The following CADM2 variants were observed in gnomAD, a reference collection of about 807,000 sequenced individuals.
The protein encoded by CADM2 is cell adhesion molecule 2.
In CADM2, 12 loss-of-function variants were observed where a neutral mutation model predicts 49.8. That is an observed-to-expected ratio of 0.24 (90% confidence interval 0.15 to 0.39). The LOEUF (loss-of-function observed/expected upper bound fraction) is 0.39. Ranked by LOEUF, CADM2 falls within the 10% of genes least tolerant of loss-of-function variation. The pLI, the probability that CADM2 is intolerant of heterozygous loss-of-function variation, is 1.00. For missense variants in CADM2, 378 were observed against 492.3 expected (o/e 0.77, Z 2.20); for synonymous variants, 214 against 175.4 (o/e 1.22, Z -1.74).
intron 1 of CADM2, among the ~76,000 whole-genome samples, chr3:85,541,464 A>T (rs770657100): frequency 4.7e-5 from 7 of 148,516 alleles, no homozygotes; most frequent in South Asian, 2.1e-4. Context: ...ATGAGAGTAG[A>T]TATCAGAAGA....
chr3:85,809,790 C>CTCTCTTTCTT lies in CADM2; in HGVS notation c.238+7597_238+7598insCTTTCTTTCT, dbSNP rs1553690315. Among the ~76,000 whole-genome samples the CTCTCTTTCTT allele has an allele frequency of 9.2e-3, 907 of 98,946 alleles. 99 individuals carry two copies. Among genetic ancestry groups the CTCTCTTTCTT allele is most frequent in the African/African-American group, 0.038 (831 of 21,718 alleles). The allele number at this position is 98,946 out of a possible 152,430, so 64.9% of individuals were successfully genotyped here. On this transcript the variant is annotated intron_variant, in intron 3 of 9. Coordinates refer to ENST00000383699, the MANE Select transcript of CADM2 (RefSeq NM_001167675.2). ...TCTCTCTCTCTCTCTCTCTCTCTCT[C>CTCTCTTTCTT]TCTTTCTTTCTTTCTTTCTTTCTGT...
intron 1 of CADM2, among the ~76,000 whole-genome samples, chr3:85,114,047 AC>A (rs1342261547): frequency 3.3e-5 from 5 of 151,880 alleles, no homozygotes; most frequent in African/African-American, 1.2e-4. Context: ...GTTATTTTTA[AC>A]CTCATAAACC....
At chr3:85,297,052 A>G (rs1411724470) in intron 1 of CADM2, among the ~76,000 whole-genome samples, 1 of 152,066 alleles carries the variant, frequency 6.6e-6, no homozygotes, top group Non-Finnish European at 1.5e-5. Context: ...TAGGGCAGAG[A>G]CACTATCTTA....
intron 1 of CADM2, among the ~76,000 whole-genome samples, chr3:85,469,028 G>A (rs1392290920): frequency 6.6e-6 from 1 of 152,152 alleles, no homozygotes; most frequent in Non-Finnish European, 1.5e-5. Flanking sequence ...CTGCCTTACA[G>A]CACACTTCAG....
At chr3:85,496,370 A>G (rs1159095001) in intron 1 of CADM2, among the ~76,000 whole-genome samples, 1 of 152,174 alleles carries the variant, frequency 6.6e-6, no homozygotes, top group African/African-American at 2.4e-5. Flanking sequence ...CAAAGGACAT[A>G]ATTTCATTCT....
At chr3:85,927,380 G>A (rs777683710) in intron 6 of CADM2, among the ~76,000 whole-genome samples, 2 of 152,080 alleles carry the variant, frequency 1.3e-5, no homozygotes, top group African/African-American at 4.8e-5. Context: ...GAGTAGCACC[G>A]TTTAAGACTA....
At chr3:85,876,220 T>C (rs1194694759) in intron 3 of CADM2, among the ~76,000 whole-genome samples, 1 of 152,186 alleles carries the variant, frequency 6.6e-6, no homozygotes. Context: ...ATACTTGAAG[T>C]GATTTCTATC....
chr3:85,202,024 G>T (rs1043120937), intron 1 of CADM2, among the ~76,000 whole-genome samples: 2 of 136,856 alleles, frequency 1.5e-5, no homozygotes, highest in African/African-American at 5.5e-5. Flanking sequence ...AGGTTGCAAT[G>T]AACCGAGATC....
chr3:85,925,154 A>G (rs189005421), intron 6 of CADM2, among the ~76,000 whole-genome samples: 2 of 71,034 alleles, frequency 2.8e-5, no homozygotes, highest in East Asian at 4.4e-4. Flanking sequence ...TGTATAATCT[A>G]TCCTGGCAAC....
intron 2 of CADM2, among the ~76,000 whole-genome samples, chr3:85,786,786 A>G (rs946348666): frequency 6.6e-6 from 1 of 152,032 alleles, no homozygotes; most frequent in African/African-American, 2.4e-5. Context: ...CAAGAGCTTT[A>G]TACGTCTCAC....
At chr3:85,474,095 C>T (rs1383577414) in intron 1 of CADM2, among the ~76,000 whole-genome samples, 1 of 151,690 alleles carries the variant, frequency 6.6e-6, no homozygotes, top group Non-Finnish European at 1.5e-5. Context: ...ATTATATTCT[C>T]AATATTTGTA....
intron 3 of CADM2, among the ~76,000 whole-genome samples, chr3:85,843,900 G>GC (rs887662666): frequency 1.1e-4 from 16 of 151,818 alleles, no homozygotes; most frequent in African/African-American, 3.9e-4. Context: ...GTGTGTGTGG[G>GC]GGGGGAGCGG....
At chr3:85,729,357 A>G (rs1412402118) in intron 2 of CADM2, among the ~76,000 whole-genome samples, 1 of 152,100 alleles carries the variant, frequency 6.6e-6, no homozygotes, top group Non-Finnish European at 1.5e-5. Flanking sequence ...ACTTCCTACA[A>G]AATAAAGAAT....
At chr3:85,016,344 A>G (rs2107274670) in intron 1 of CADM2, among the ~76,000 whole-genome samples, 1 of 152,366 alleles carries the variant, frequency 6.6e-6, no homozygotes, top group Non-Finnish European at 1.5e-5. Flanking sequence ...AAGCCTCAGC[A>G]ATTGGGATGA....
At chr3:85,853,010 A>T (rs1160263268) in intron 3 of CADM2, among the ~76,000 whole-genome samples, 2 of 152,114 alleles carry the variant, frequency 1.3e-5, no homozygotes, top group African/African-American at 4.8e-5. Context: ...AAACGAATAA[A>T]AATATAGTAT....
At chr3:85,561,203 C>A (rs1171060268) in intron 1 of CADM2, among the ~76,000 whole-genome samples, 2 of 150,812 alleles carry the variant, frequency 1.3e-5, no homozygotes, top group African/African-American at 4.8e-5. Context: ...TTTTCAGATG[C>A]TACACAATAC....
intron 3 of CADM2, among the ~76,000 whole-genome samples, chr3:85,820,010 A>G (rs2073453432): frequency 6.6e-6 from 1 of 152,124 alleles, no homozygotes; most frequent in Non-Finnish European, 1.5e-5. Context: ...ATTGCAGCAG[A>G]CACTCATATA....
chr3:85,477,858 G>A (rs1241269998), intron 1 of CADM2, among the ~76,000 whole-genome samples: 2 of 151,854 alleles, frequency 1.3e-5, no homozygotes, highest in African/African-American at 4.8e-5. Flanking sequence ...ATAAACTAGT[G>A]TGTAAATAAC....
intron 1 of CADM2, among the ~76,000 whole-genome samples, chr3:85,288,357 C>T (rs571262438): frequency 6.6e-6 from 1 of 152,046 alleles, no homozygotes; most frequent in South Asian, 2.1e-4. Flanking sequence ...TTTTAAAATG[C>T]AATTTTCCTG....
Sources: gnomAD v4.1 joint callset for allele counts (sites outside exome capture counted in the v4.1 genomes callset) on GRCh38, gnomAD v4.1.1 for gene constraint, MANE v1.5 for transcripts, NCBI Gene and HGNC (gene_info 2026-07-23, HGNC 2026-07-21) for gene names.